Variants in EML6 observed in about 807,000 individuals in gnomAD.
EML6 encodes the protein EMAP like 6.
In EML6, 154 loss-of-function variants were observed where a neutral mutation model predicts 240.1. The ratio of observed to expected loss-of-function variants is 0.64; its 90% confidence interval spans 0.56 to 0.73. The LOEUF (loss-of-function observed/expected upper bound fraction) is 0.73, where lower values mean the gene tolerates loss of function less well. Ranked by LOEUF, EML6 falls within the 30% of genes least tolerant of loss-of-function variation. The pLI is 0.00. For synonymous variants in EML6, 1,148 were observed against 899.0 expected (o/e 1.28, Z -4.95); for missense variants, 2,964 against 2,474.6 (o/e 1.20, Z -4.20).
Position 54,778,601 on chromosome 2 carries a change from T to C in EML6, c.198-34631T>C, listed in dbSNP as rs558712533. Among the ~76,000 whole-genome samples, 15 of 152,104 alleles carry C rather than the reference T, an allele frequency of 9.9e-5. No homozygotes were observed. In the East Asian group the frequency reaches 2.7e-3, roughly 27 times the overall value. On this transcript the variant is annotated intron_variant, in intron 2 of 41. Transcript: ENST00000356458. ...AAACTAAAATATAATTAGAAGTGCATTGTTAGGCCGGGCGCAGTAGCTCAC... is the reference window on the plus strand; with the variant it reads ...AAACTAAAATATAATTAGAAGTGCACTGTTAGGCCGGGCGCAGTAGCTCAC...
intron 2 of EML6, among the ~76,000 whole-genome samples, chr2:54,742,085 A>T (rs1278646997): frequency 6.6e-6 from 1 of 152,330 alleles, no homozygotes; most frequent in South Asian, 2.1e-4. Flanking sequence ...TAAAAGAAAA[A>T]AAGATTCCTC....
At chr2:54,889,705 T>A (rs968797567) in intron 17 of EML6, among the ~76,000 whole-genome samples, 1 of 152,212 alleles carries the variant, frequency 6.6e-6, no homozygotes, top group African/African-American at 2.4e-5. Flanking sequence ...TTTAGACATA[T>A]ATCCTTTGCA....
chr2:54,910,906 G>A, intron 24 of EML6, 48 bp from the exon 25 acceptor site: 1 of 946,300 alleles, frequency 1.1e-6, no homozygotes, highest in Non-Finnish European at 1.6e-6. Flanking sequence ...ATAATAAAGA[G>A]ATAAAGTCAG....
chr2:54,778,077 T>C (rs1668675471), intron 2 of EML6, among the ~76,000 whole-genome samples: 1 of 152,234 alleles, frequency 6.6e-6, no homozygotes, highest in Admixed American at 6.5e-5. Context: ...ACTTTCTGTT[T>C]TTTCTTCAAC....
rs142610919 is a variant in EML6 at position 54,815,700 on chromosome 2, C to T, written c.358-1087C>T. Among the ~76,000 whole-genome samples, 93 of 152,268 alleles carry T rather than the reference C, an allele frequency of 6.1e-4. 1 individual carries two copies. The highest frequency in any genetic ancestry group is 2.0e-3 in the African/African-American group (85 of 41,546). ...TAAGGACACATTAAAAAACCCTCAA[C>T]GATGTGTGTTATATTAAAAATTCCT... is the stretch of plus-strand genomic sequence containing the variant. On this transcript the variant is annotated intron_variant, in intron 3 of 41. Coordinates refer to ENST00000356458, the MANE Select transcript of EML6 (RefSeq NM_001039753.4).
intron 17 of EML6, among the ~76,000 whole-genome samples, chr2:54,888,063 A>T (rs34759291): frequency 1.2e-3 from 187 of 152,384 alleles, no homozygotes; most frequent in Non-Finnish European, 2.0e-3. Flanking sequence ...ATAGACGCCA[A>T]TACTATGCCA....
At chr2:54,838,463 C>G (rs1240064997) in intron 7 of EML6, among the ~76,000 whole-genome samples, 2 of 152,312 alleles carry the variant, frequency 1.3e-5, no homozygotes, top group Non-Finnish European at 1.5e-5. Flanking sequence ...ACACAGCTGG[C>G]AACGGCTGGT....
Position 54,935,811 on chromosome 2 carries a change from G to A in EML6, c.4004+7060G>A, listed in dbSNP as rs533182788. Reference sequence around the variant, plus strand: ...GGATAACTTGAATCCAGGAGGTTGAGGCTGGCAGGAGTTTAGATGAGCCTG... The same window carrying A: ...GGATAACTTGAATCCAGGAGGTTGAAGCTGGCAGGAGTTTAGATGAGCCTG... On this transcript the variant is annotated intron_variant, in intron 28 of 41. Transcript: ENST00000356458. Among the ~76,000 whole-genome samples the A allele has an allele frequency of 3.3e-5, 5 of 152,334 alleles. No homozygotes were observed. In the South Asian group the frequency reaches 1.0e-3, roughly 32 times the overall value.
intron 11 of EML6, among the ~76,000 whole-genome samples, chr2:54,855,621 T>C (rs985292357): frequency 6.6e-6 from 1 of 152,098 alleles, no homozygotes; most frequent in Non-Finnish European, 1.5e-5. Flanking sequence ...GGCATCTGCA[T>C]GAATGAGGAG....
chr2:54,838,038 T>G (rs1669244165), intron 7 of EML6, among the ~76,000 whole-genome samples: 1 of 152,236 alleles, frequency 6.6e-6, no homozygotes. Context: ...GTTCTCTTTG[T>G]GTGCTGGAAC....
chr2:54,818,624 T>G (rs57569955), intron 4 of EML6, among the ~76,000 whole-genome samples: 3,591 of 152,338 alleles, frequency 0.024, 145 homozygotes, highest in African/African-American at 0.082. Flanking sequence ...CTGTTAAAAC[T>G]TTAGATAAAT....
chr2:54,861,846 T>C (rs1670690211), intron 12 of EML6, among the ~76,000 whole-genome samples: 1 of 150,750 alleles, frequency 6.6e-6, no homozygotes, highest in South Asian at 2.1e-4. Flanking sequence ...AAATTCCAGA[T>C]AAACGAGCAA....
At chr2:54,902,937 C>G in intron 22 of EML6, 107 bp from the exon 23 acceptor site, 3 of 981,262 alleles carry the variant, frequency 3.1e-6, no homozygotes, top group Non-Finnish European at 4.5e-6. Context: ...TAAAGGCAGT[C>G]ACGTGTCCAT....
intron 17 of EML6, among the ~76,000 whole-genome samples, chr2:54,883,292 C>G (rs1002701948): frequency 4.6e-5 from 7 of 152,122 alleles, no homozygotes; most frequent in African/African-American, 1.2e-4. Flanking sequence ...TTTTCACTCA[C>G]TAATACATCA....
At chr2:54,903,309 G>T in intron 23 of EML6, 62 bp from the exon 24 acceptor site, 1 of 1,530,184 alleles carries the variant, frequency 6.5e-7, no homozygotes, top group South Asian at 1.2e-5. Flanking sequence ...AAAATACTAA[G>T]TTCCTGGAAG....
In EML6 at chr2:54,867,362, G is replaced by A. The variant is rs148836267; in HGVS notation, c.2051+478G>A. 315 of 152,658 alleles carry A rather than the reference G, an allele frequency of 2.1e-3. 1 individual carries two copies. The highest frequency in any genetic ancestry group is 6.8e-3 in the Middle Eastern group (2 of 294). 9.5% of individuals were successfully genotyped at this position (152,658 alleles called of 1,614,324 possible). On this transcript the variant is annotated intron_variant, in intron 14 of 41. Coordinates refer to ENST00000356458, the MANE Select transcript of EML6 (RefSeq NM_001039753.4). ...TAGACAACTAAAACTTTTTAATGTC[G>A]GTTTAAATGGCTGAGAAGATACTAT...
At chr2:54,812,644 A>C (rs1163363594) in intron 2 of EML6, among the ~76,000 whole-genome samples, 2 of 152,164 alleles carry the variant, frequency 1.3e-5, no homozygotes, top group African/African-American at 4.8e-5. Flanking sequence ...TGCTATACAA[A>C]CCACAATTGT....
intron 2 of EML6, among the ~76,000 whole-genome samples, chr2:54,811,961 G>A (rs772269885): frequency 6.6e-6 from 1 of 152,188 alleles, no homozygotes; most frequent in African/African-American, 2.4e-5. Context: ...GAAGATTCCT[G>A]AAGATATATT....
intron 17 of EML6, among the ~76,000 whole-genome samples, chr2:54,887,565 A>G (rs1161664302): frequency 6.6e-6 from 1 of 152,046 alleles, no homozygotes; most frequent in African/African-American, 2.4e-5. Context: ...AGATTTTTGT[A>G]TTTAGAAAAA....
Sources: allele counts gnomAD v4.1 joint callset (sites outside exome capture counted in the v4.1 genomes callset), GRCh38; gene constraint gnomAD v4.1.1; transcripts MANE v1.5; gene names NCBI Gene and HGNC (gene_info 2026-07-23, HGNC 2026-07-21).